Variants in SETDB2 observed in about 807,000 individuals in gnomAD.
SETDB2 encodes the protein histone-lysine N-methyltransferase SETDB2.
SETDB2 carries 56 observed loss-of-function variants against 82.5 expected under a neutral mutation model. The ratio of observed to expected loss-of-function variants is 0.68; its 90% confidence interval spans 0.55 to 0.85. The LOEUF is 0.85. SETDB2 is among the 40% of genes least tolerant of loss of function. The probability of loss-of-function intolerance (pLI) is 0.00; values close to 1 mark genes in which losing one functional copy is unlikely to be tolerated. For missense variants in SETDB2, 677 were observed against 816.4 expected (o/e 0.83, Z 2.08); for synonymous variants, 272 against 284.9 (o/e 0.95, Z 0.46).
At chr13:49,465,295 G>A (rs750944394) in intron 4 of SETDB2, among the ~76,000 whole-genome samples, 2 of 152,114 alleles carry the variant, frequency 1.3e-5, no homozygotes, top group Admixed American at 6.6e-5. Context: ...GTTTTCTTGA[G>A]AGAAATTATT....
intron 5 of SETDB2, among the ~76,000 whole-genome samples, chr13:49,471,930 ATATAT>A (rs1210189870): frequency 1.4e-5 from 1 of 73,116 alleles, no homozygotes; most frequent in African/African-American, 5.8e-5. Flanking sequence ...ATATATATAT[ATATAT>A]TTTTTTTTTT....
rs769333122 is a variant in SETDB2 at position 49,468,021 on chromosome 13, T to C, written c.305+61T>C. On this transcript the variant is annotated intron_variant, in intron 5 of 13. Coordinates refer to ENST00000611815, the MANE Select transcript of SETDB2 (RefSeq NM_001160308.3). Reference sequence around the variant, plus strand: ...CTCCTACAGATTTCTTCTTTATAAATCACTTGACATTAGAATAGATGAAAT... The same window carrying C: ...CTCCTACAGATTTCTTCTTTATAAACCACTTGACATTAGAATAGATGAAAT... The C allele has an allele frequency of 1.5e-4, 187 of 1,216,286 alleles. 1 individual carries two copies. Among genetic ancestry groups the C allele is most frequent in the Non-Finnish European group, 2.0e-4 (175 of 878,624 alleles). The allele number at this position is 1,216,286 out of a possible 1,614,324, so 75.3% of individuals were successfully genotyped here.
chr13:49,455,666 T>C (rs1233384328), intron 2 of SETDB2, among the ~76,000 whole-genome samples: 3 of 152,162 alleles, frequency 2.0e-5, no homozygotes, highest in Non-Finnish European at 4.4e-5. Flanking sequence ...AGAAATATTG[T>C]TAGTTTTGTC....
At chr13:49,467,771 G>A (rs1025018724) in intron 4 of SETDB2, 93 bp from the exon 5 acceptor site, 12 of 834,116 alleles carry the variant, frequency 1.4e-5, no homozygotes, top group Non-Finnish European at 1.9e-5. Context: ...ATCCATATGG[G>A]CAGACTCTAG....
At position 49,474,869 on chromosome 13, in the gene SETDB2, C is replaced by T. The variant is rs781629241; in HGVS notation, c.306-1607C>T. Among the ~76,000 whole-genome samples the T allele has an allele frequency of 2.6e-5, 4 of 152,328 alleles. No homozygotes were observed. The East Asian group carries it at 5.8e-4, about 22-fold the overall frequency. ...AAATGTAAAAATTCAGTTCTTTGGT[C>T]GTGCTAGCTACATTTAAAAGTGCTC... On this transcript the variant is annotated intron_variant, in intron 5 of 13. Transcript: ENST00000611815.
intron 1 of SETDB2, among the ~76,000 whole-genome samples, 199 bp downstream of exon 1, chr13:49,445,056 C>A (rs1957633407): frequency 6.6e-6 from 1 of 152,114 alleles, no homozygotes; most frequent in South Asian, 2.1e-4. Flanking sequence ...ACACATGAGG[C>A]CAAGGAGAGG....
At chr13:49,485,590 C>G (rs552953343) in intron 10 of SETDB2, 40 bp from the exon 11 acceptor site, 1 of 1,532,924 alleles carries the variant, frequency 6.5e-7, no homozygotes, top group Non-Finnish European at 9.0e-7. Flanking sequence ...ATACTTTTGC[C>G]TGACCTGGAA....
intron 2 of SETDB2, among the ~76,000 whole-genome samples, chr13:49,457,435 CTTTTTTTT>C (rs34354093): frequency 3.1e-5 from 3 of 98,022 alleles, no homozygotes; most frequent in African/African-American, 8.2e-5. Context: ...ATTTCTAAGA[CTTTTTTTT>C]TTTTTTTTTT....
chr13:49,488,357 TATAAC>T lies in SETDB2; in HGVS notation c.1645_1649del (p.Ile549Ter). On this transcript the variant is annotated frameshift_variant, in exon 12 of 14. Transcript: ENST00000611815. LOFTEE classifies it high-confidence loss of function. ...TGCTGATTGAATCAGATGTGATAGA[TATAAC>T]TAAATATAGAGAAGAAACTCCACCA... 1 of 1,610,802 alleles carries T rather than the reference TATAAC, an allele frequency of 6.2e-7. No individual in the cohort carries two copies. Among genetic ancestry groups the T allele is most frequent in the Non-Finnish European group, 8.5e-7 (1 of 1,179,282 alleles).
intron 11 of SETDB2, among the ~76,000 whole-genome samples, chr13:49,486,309 A>AAG (rs979782069): frequency 1.5e-4 from 23 of 151,388 alleles, no homozygotes; most frequent in Non-Finnish European, 2.8e-4. Context: ...GTCTCAAAAA[A>AAG]AAAAATAAAA....
chr13:49,452,650 A>G (rs1957806953), intron 2 of SETDB2, among the ~76,000 whole-genome samples: 1 of 152,174 alleles, frequency 6.6e-6, no homozygotes, highest in South Asian at 2.1e-4. Flanking sequence ...CCAGGACACC[A>G]CATTCCATTT....
chr13:49,458,939 A>G (rs1201272170), intron 2 of SETDB2, among the ~76,000 whole-genome samples: 2 of 152,242 alleles, frequency 1.3e-5, no homozygotes, highest in Admixed American at 6.5e-5. Context: ...GGTGCTTAGC[A>G]TGGCACATAG....
At chr13:49,464,105 G>C (rs1179904527) in intron 4 of SETDB2, 1 of 768,700 alleles carries the variant, frequency 1.3e-6, no homozygotes, top group Non-Finnish European at 2.4e-6. Flanking sequence ...AAAGGGAGGA[G>C]CAGAGGGGCA....
At chr13:49,460,968 G>A in intron 3 of SETDB2, 129 bp from the exon 4 acceptor site, 1 of 606,986 alleles carries the variant, frequency 1.6e-6, no homozygotes, top group East Asian at 2.7e-5. Context: ...TGTCTCTAAT[G>A]CAGATAGTCC....
At chr13:49,465,539 A>ATT (rs779170874) in intron 4 of SETDB2, among the ~76,000 whole-genome samples, 15 of 145,916 alleles carry the variant, frequency 1.0e-4, no homozygotes, top group Non-Finnish European at 1.8e-4. Context: ...TCAGAATCTA[A>ATT]TTTTTTTTTT....
At chr13:49,474,492 A>C (rs1228034610) in intron 5 of SETDB2, among the ~76,000 whole-genome samples, 2 of 152,240 alleles carry the variant, frequency 1.3e-5, no homozygotes, top group African/African-American at 4.8e-5. Flanking sequence ...TATGTTCTGC[A>C]ACAGTATCTA....
chr13:49,489,433 G>A (rs1167194985), intron 12 of SETDB2: 1 of 148,970 alleles, frequency 6.7e-6, no homozygotes, highest in Non-Finnish European at 1.5e-5. Flanking sequence ...AGGCTTGTTT[G>A]TTACAGTGAT....
At chr13:49,460,042 T>C in intron 2 of SETDB2, 65 bp from the exon 3 acceptor site, 1 of 1,503,230 alleles carries the variant, frequency 6.7e-7, no homozygotes, top group Non-Finnish European at 9.1e-7. Flanking sequence ...TTCTATAACA[T>C]GTTCTTAGAT....
chr13:49,470,240 ACACT>A (rs1361220772), intron 5 of SETDB2, among the ~76,000 whole-genome samples: 1 of 152,106 alleles, frequency 6.6e-6, no homozygotes, highest in African/African-American at 2.4e-5. Flanking sequence ...TACTGTGTTG[ACACT>A]CAGAGGCTTT....
Sources: gnomAD v4.1 joint callset for allele counts (sites outside exome capture counted in the v4.1 genomes callset) on GRCh38, gnomAD v4.1.1 for gene constraint, MANE v1.5 for transcripts, NCBI Gene and HGNC (gene_info 2026-07-23, HGNC 2026-07-21) for gene names.